The following TBC1D8 variants were observed in gnomAD, a reference collection of about 807,000 sequenced individuals.
TBC1D8 encodes TBC1 domain family member 8.
Under a neutral mutation model 118.8 loss-of-function variants are expected in TBC1D8, and 65 were observed. The observed-to-expected ratio is 0.55, with a 90% confidence interval of 0.45 to 0.67. The LOEUF (loss-of-function observed/expected upper bound fraction) is 0.67. TBC1D8 is among the 30% of genes least tolerant of loss of function. The probability of loss-of-function intolerance (pLI) is 0.00; values close to 1 mark genes in which losing one functional copy is unlikely to be tolerated. For synonymous variants in TBC1D8, 566 were observed against 595.8 expected, an observed-to-expected ratio of 0.95 and a Z score of 0.73; for missense variants, 1,376 against 1,471.2, an observed-to-expected ratio of 0.94 and a Z score of 1.06.
chr2:101,090,388 T>C (rs763094549), intron 1 of TBC1D8, 24 bp from the exon 2 acceptor site: 9 of 1,613,092 alleles, frequency 5.6e-6, no homozygotes, highest in African/African-American at 1.3e-5. Flanking sequence ...GAGAAGAAAG[T>C]GCACCTGTGA....
intron 1 of TBC1D8, among the ~76,000 whole-genome samples, chr2:101,104,621 C>T (rs544573411): frequency 2.0e-5 from 3 of 152,214 alleles, no homozygotes; most frequent in African/African-American, 7.2e-5. Context: ...ACTAGACATC[C>T]GTATGCAAAG....
Position 101,032,369 on chromosome 2 carries a change from G to A in TBC1D8, c.1835C>T (p.Thr612Ile). 2 of 1,613,784 alleles carry A rather than the reference G, an allele frequency of 1.2e-6. No homozygotes were observed. The highest frequency in any genetic ancestry group is 1.1e-5 in the South Asian group (1 of 91,076). ...CTTGGTGTACAGCAGCAGCACGGAG[G>A]TCAGGATGTTCATGGACTGCTCGGG... ...IGYCQSMNIL[T>I]SVLLLYTKEE... Residue 612 changes from threonine (T) to isoleucine (I), a missense_variant, in exon 11 of 20, where the codon ACC becomes ATC. Thr to Ile is a moderately conservative substitution (Grantham distance 89). Coordinates refer to ENST00000409318, the MANE Select transcript of TBC1D8 (RefSeq NM_001330348.2).
chr2:101,010,940 T>C lies in TBC1D8; in HGVS notation c.3004A>G (p.Lys1002Glu). Reference sequence around the variant, plus strand: ...AAGAAAGTCCATACCTGGCTCATTTTGGGCAATTCTTTCTCAGTTTTATCT... The same window carrying C: ...AAGAAAGTCCATACCTGGCTCATTTCGGGCAATTCTTTCTCAGTTTTATCT... ...EKDKTEKELP[K>E]MSQREFIQFC... Residue 1002 changes from lysine to glutamate, a missense_variant, in exon 19 of 20, where the codon AAA (lysine) becomes GAA (glutamate). Lys to Glu is a moderately conservative substitution (Grantham distance 56). Coordinates refer to ENST00000409318, the MANE Select transcript of TBC1D8 (RefSeq NM_001330348.2). The C allele has an allele frequency of 6.2e-7, 1 of 1,612,178 alleles. No individual in the cohort carries two copies. The highest frequency in any genetic ancestry group is 1.1e-5 in the South Asian group (1 of 91,088).
chr2:101,073,178 C>A (rs1674567776), intron 2 of TBC1D8, among the ~76,000 whole-genome samples: 1 of 152,198 alleles, frequency 6.6e-6, no homozygotes, highest in African/African-American at 2.4e-5. Context: ...AAGCCAGGCA[C>A]TCACTAACTT....
chr2:101,128,369 T>C (rs1482832595), intron 1 of TBC1D8, among the ~76,000 whole-genome samples: 1 of 152,230 alleles, frequency 6.6e-6, no homozygotes, highest in East Asian at 1.9e-4. Flanking sequence ...CCACTCAAGC[T>C]TCCTGGGAAG....
intron 1 of TBC1D8, among the ~76,000 whole-genome samples, chr2:101,131,270 T>G (rs919167476): frequency 3.3e-5 from 5 of 152,080 alleles, no homozygotes; most frequent in South Asian, 4.2e-4. Context: ...CCCAGCACTT[T>G]GGGAGGCAAA....
chr2:101,058,646 T>C (rs1187573294), intron 3 of TBC1D8, among the ~76,000 whole-genome samples: 1 of 152,060 alleles, frequency 6.6e-6, no homozygotes, highest in East Asian at 1.9e-4. Context: ...CAAAACTTAA[T>C]TGGCTTTCAT....
At chr2:101,117,133 C>G (rs1308464540) in intron 1 of TBC1D8, among the ~76,000 whole-genome samples, 1 of 152,024 alleles carries the variant, frequency 6.6e-6, no homozygotes, top group Non-Finnish European at 1.5e-5. Flanking sequence ...CAGCCAACCC[C>G]CAGAACCCCA....
chr2:101,071,942 T>C (rs976241687), intron 2 of TBC1D8, among the ~76,000 whole-genome samples: 1 of 152,240 alleles, frequency 6.6e-6, no homozygotes, highest in Non-Finnish European at 1.5e-5. Flanking sequence ...TATGCAACTA[T>C]AGCCTTATGA....
chr2:101,138,478 C>T (rs1301845899), intron 1 of TBC1D8, among the ~76,000 whole-genome samples: 1 of 152,158 alleles, frequency 6.6e-6, no homozygotes, highest in African/African-American at 2.4e-5. Flanking sequence ...TCCCACGAGA[C>T]TGGCCCCATT....
chr2:101,053,067 T>A (rs1442437603), intron 4 of TBC1D8, among the ~76,000 whole-genome samples: 1 of 152,242 alleles, frequency 6.6e-6, no homozygotes, highest in Non-Finnish European at 1.5e-5. Flanking sequence ...GACCACTGAC[T>A]TGCTGGGACC....
chr2:101,037,256 T>C (rs895762117), intron 8 of TBC1D8, among the ~76,000 whole-genome samples: 1 of 152,018 alleles, frequency 6.6e-6, no homozygotes, highest in Admixed American at 6.6e-5. Context: ...AGGAACCCAT[T>C]CTGTGCCTGG....
At chr2:101,069,535 G>A (rs376060562) in intron 2 of TBC1D8, among the ~76,000 whole-genome samples, 1 of 152,250 alleles carries the variant, frequency 6.6e-6, no homozygotes, top group Non-Finnish European at 1.5e-5. Context: ...GCAGTGAGCC[G>A]AGATCGTGCC....
At chr2:101,097,771 G>A (rs1288514115) in intron 1 of TBC1D8, among the ~76,000 whole-genome samples, 1 of 152,108 alleles carries the variant, frequency 6.6e-6, no homozygotes, top group Non-Finnish European at 1.5e-5. Context: ...AAAAGGTTGA[G>A]GTGAAAAGAC....
At chr2:101,116,644 A>AT (rs1158005557) in intron 1 of TBC1D8, among the ~76,000 whole-genome samples, 3,386 of 145,222 alleles carry the variant, frequency 0.023, 95 homozygotes, top group African/African-American at 0.067. Context: ...AAAGTAGTGA[A>AT]TTTTTTTTTT....
chr2:101,035,411 T>C lies in TBC1D8; in HGVS notation c.1603+607A>G, dbSNP rs13421914. ...TTTGGTCCCAGGCTCAGCCCATCCA[T>C]CATTAAATGTCCTGATGAGGGTTCC... is the stretch of plus-strand genomic sequence containing the variant. On this transcript the variant is annotated intron_variant, in intron 9 of 19. Coordinates refer to ENST00000409318, the MANE Select transcript of TBC1D8 (RefSeq NM_001330348.2). 2.7e-3 allele frequency among the ~76,000 whole-genome samples: 409 copies of C among 152,232 alleles called. 1 individual carries two copies. The highest frequency in any genetic ancestry group is 7.4e-3 in the African/African-American group (308 of 41,528).
chr2:101,106,614 G>A (rs144894316), intron 1 of TBC1D8, among the ~76,000 whole-genome samples: 3 of 152,322 alleles, frequency 2.0e-5, no homozygotes, highest in Admixed American at 6.5e-5. Context: ...GATGGTCCTC[G>A]ACTAACAATG....
intron 1 of TBC1D8, among the ~76,000 whole-genome samples, chr2:101,118,365 G>C (rs969072931): frequency 2.0e-5 from 3 of 152,170 alleles, no homozygotes; most frequent in Non-Finnish European, 2.9e-5. Flanking sequence ...TATCCCTGTT[G>C]GCTGACAATA....
At chr2:101,126,116 TGGTGGAAG>T (rs1316939312) in intron 1 of TBC1D8, among the ~76,000 whole-genome samples, 2 of 152,042 alleles carry the variant, frequency 1.3e-5, no homozygotes, top group African/African-American at 4.8e-5. Context: ...CTTCCACTCG[TGGTGGAAG>T]GTGAAGGGAG....
Sources: allele counts gnomAD v4.1 joint callset (sites outside exome capture counted in the v4.1 genomes callset), GRCh38; gene constraint gnomAD v4.1.1; transcripts MANE v1.5; gene names NCBI Gene and HGNC (gene_info 2026-07-23, HGNC 2026-07-21).